Variants in LRP1B observed in about 807,000 individuals in gnomAD.
LRP1B encodes the protein LDL receptor related protein 1B.
In LRP1B, 217 loss-of-function variants were observed where a neutral mutation model predicts 556.6. That is an observed-to-expected ratio of 0.39 (90% confidence interval 0.35 to 0.44). The LOEUF (loss-of-function observed/expected upper bound fraction) is 0.44. LRP1B is among the 20% of genes least tolerant of loss of function. LRP1B has a pLI of 1.00. For missense variants in LRP1B, 5,053 were observed against 5,620.8 expected, an observed-to-expected ratio of 0.90 and a Z score of 3.23; for synonymous variants, 2,047 against 1,865.8, an observed-to-expected ratio of 1.10 and a Z score of -2.50.
intron 32 of LRP1B, among the ~76,000 whole-genome samples, chr2:140,791,861 G>A (rs1690132056): frequency 1.3e-5 from 2 of 152,124 alleles, no homozygotes. Context: ...GAATTATTTT[G>A]AGCTGAAGGC....
intron 86 of LRP1B, among the ~76,000 whole-genome samples, chr2:140,250,868 T>C (rs1237482331): frequency 6.6e-6 from 1 of 151,846 alleles, no homozygotes. Flanking sequence ...ACAAATATCA[T>C]TCAATGTCTT....
chr2:140,472,932 A>C (rs1184839972), intron 60 of LRP1B, among the ~76,000 whole-genome samples: 1 of 152,068 alleles, frequency 6.6e-6, no homozygotes, highest in Non-Finnish European at 1.5e-5. Context: ...AATATAATAA[A>C]TGAGAAAAAT....
chr2:141,380,355 CCAGA>C (rs1313025516), intron 3 of LRP1B, among the ~76,000 whole-genome samples: 2 of 152,178 alleles, frequency 1.3e-5, no homozygotes, highest in Non-Finnish European at 2.9e-5. Flanking sequence ...AGTTAATGGA[CCAGA>C]CAGTCGCTAC....
intron 3 of LRP1B, among the ~76,000 whole-genome samples, chr2:141,386,713 C>A (rs2104897440): frequency 6.6e-6 from 1 of 151,862 alleles, no homozygotes; most frequent in African/African-American, 2.4e-5. Context: ...AACAAAGGCC[C>A]AAGAAATATG....
intron 87 of LRP1B, among the ~76,000 whole-genome samples, chr2:140,245,957 T>G (rs1681141900): frequency 6.6e-6 from 1 of 151,320 alleles, no homozygotes; most frequent in Non-Finnish European, 1.5e-5. Flanking sequence ...ATTTAAATAT[T>G]CATGCCCAGA....
chr2:141,327,875 TGAGAGAGA>T (rs757095809), intron 3 of LRP1B, among the ~76,000 whole-genome samples: 1 of 90,656 alleles, frequency 1.1e-5, no homozygotes, highest in Non-Finnish European at 2.4e-5. Context: ...AGATAAAGAG[TGAGAGAGA>T]GAGAGAGAGA....
chr2:140,655,862 G>A (rs1415840273), intron 41 of LRP1B, among the ~76,000 whole-genome samples: 4 of 151,960 alleles, frequency 2.6e-5, no homozygotes, highest in Non-Finnish European at 2.9e-5. Flanking sequence ...AGAGTGGCCT[G>A]TACCCGGGAG....
intron 41 of LRP1B, among the ~76,000 whole-genome samples, chr2:140,633,482 A>T (rs1377458445): frequency 6.6e-6 from 1 of 152,170 alleles, no homozygotes; most frequent in Non-Finnish European, 1.5e-5. Flanking sequence ...ATTGAAGCAG[A>T]AGTCATTGAA....
At chr2:141,028,072 T>C (rs186191214) in intron 11 of LRP1B, among the ~76,000 whole-genome samples, 1 of 152,262 alleles carries the variant, frequency 6.6e-6, no homozygotes, top group African/African-American at 2.4e-5. Flanking sequence ...CTCTGTACTA[T>C]TTTGCAAATT....
intron 84 of LRP1B, 33 bp downstream of exon 84, chr2:140,297,775 C>A (rs2105000197): frequency 6.3e-7 from 1 of 1,580,130 alleles, no homozygotes; most frequent in South Asian, 1.1e-5. Flanking sequence ...ACATAAACAT[C>A]AAAGCTGGCT....
chr2:141,436,015 G>A (rs1350406122), intron 3 of LRP1B, among the ~76,000 whole-genome samples: 1 of 152,164 alleles, frequency 6.6e-6, no homozygotes, highest in Non-Finnish European at 1.5e-5. Flanking sequence ...GGAGCTGAAA[G>A]GGTAGGGAAA....
intron 43 of LRP1B, among the ~76,000 whole-genome samples, chr2:140,544,673 A>G (rs1680260326): frequency 1.3e-5 from 2 of 152,108 alleles, no homozygotes; most frequent in East Asian, 1.9e-4. Flanking sequence ...TTATGATTGC[A>G]TGGTATTCCA....
At chr2:141,929,753 C>T (rs917957213) in intron 1 of LRP1B, among the ~76,000 whole-genome samples, 1 of 151,766 alleles carries the variant, frequency 6.6e-6, no homozygotes, top group Non-Finnish European at 1.5e-5. Flanking sequence ...ACAGTGTCAT[C>T]TAAATATGTG....
chr2:141,002,793 C>T (rs1463450818), intron 15 of LRP1B, among the ~76,000 whole-genome samples: 1 of 151,832 alleles, frequency 6.6e-6, no homozygotes, highest in Non-Finnish European at 1.5e-5. Flanking sequence ...CTAAGCAATA[C>T]AAGTAGTGAA....
intron 2 of LRP1B, among the ~76,000 whole-genome samples, chr2:141,731,608 C>T (rs866553837): frequency 6.6e-5 from 10 of 152,112 alleles, no homozygotes; most frequent in African/African-American, 2.2e-4. Context: ...CTTCTTTGTT[C>T]GGAAGCACAT....
At chr2:140,312,488 A>G (rs1034993767) in intron 83 of LRP1B, among the ~76,000 whole-genome samples, 6 of 151,992 alleles carry the variant, frequency 3.9e-5, no homozygotes, top group African/African-American at 1.4e-4. Context: ...TCATAAAAGT[A>G]AAGATTAAGT....
chr2:140,524,354 C>G (rs980532628), intron 49 of LRP1B, among the ~76,000 whole-genome samples: 1 of 151,878 alleles, frequency 6.6e-6, no homozygotes, highest in Non-Finnish European at 1.5e-5. Flanking sequence ...GAAAAAGAAA[C>G]ACTTATACAC....
chr2:141,263,919 A>C (rs1352935334), intron 3 of LRP1B, among the ~76,000 whole-genome samples: 1 of 152,162 alleles, frequency 6.6e-6, no homozygotes, highest in Non-Finnish European at 1.5e-5. Flanking sequence ...GCGTTTAATA[A>C]AAAACAATAC....
intron 22 of LRP1B, among the ~76,000 whole-genome samples, chr2:140,905,495 G>T (rs912288433): frequency 6.6e-6 from 1 of 152,054 alleles, no homozygotes; most frequent in African/African-American, 2.4e-5. Flanking sequence ...GGAGCTGAGA[G>T]CGTTCTCTTT....
Sources: allele counts gnomAD v4.1 joint callset (sites outside exome capture counted in the v4.1 genomes callset), GRCh38; gene constraint gnomAD v4.1.1; transcripts MANE v1.5; gene names NCBI Gene and HGNC (gene_info 2026-07-23, HGNC 2026-07-21).